Variants in CD300LF observed in about 807,000 individuals in gnomAD.
CD300LF encodes CMRF35-like molecule 1.
A neutral mutation model predicts 32.2 loss-of-function variants in CD300LF; 27 were observed. The ratio of observed to expected loss-of-function variants is 0.84; its 90% CI spans 0.62 to 1.15. The LOEUF is 1.15. Ranked by LOEUF, CD300LF falls within the 50% of genes most tolerant of loss-of-function variation. The probability of loss-of-function intolerance (pLI) is 0.00; values close to 1 mark genes in which losing one functional copy is unlikely to be tolerated. For synonymous variants in CD300LF, 139 were observed against 143.2 expected (o/e 0.97, Z 0.21); for missense variants, 348 against 356.8 (o/e 0.98, Z 0.20).
chr17:74,711,936 G>A (rs28401464), intron 1 of CD300LF, among the ~76,000 whole-genome samples: 8,876 of 122,500 alleles, frequency 0.072, 400 homozygotes, highest in East Asian at 0.16. Context: ...ACAGAGTCTC[G>A]CTCTGTCACC....
rs142837945 is a variant in CD300LF, at chr17:74,695,803, G to A, written c.639C>T (p.Ala213=). 69 of 1,614,158 alleles carry A rather than the reference G, an allele frequency of 4.3e-5. No homozygotes were observed. Among genetic ancestry groups the A allele is most frequent in the Admixed American group, 1.2e-4 (7 of 60,018 alleles). ...TGGTAGCCTTTTGCGGGGAGGTTCC[G>A]GCCAGCTGCAGGGTCAGGTCTGCAT... The part of the protein sequence containing the change: ...LCYADLTLQL[A]GTSPQKATTK... The change falls in exon 6 of 7, where the codon GCC becomes GCT. Residue 213 remains alanine, a synonymous_variant. Coordinates refer to ENST00000326165, the MANE Select transcript of CD300LF (RefSeq NM_139018.5).
chr17:74,708,019 A>G (rs1357672771), intron 1 of CD300LF, among the ~76,000 whole-genome samples: 1 of 151,348 alleles, frequency 6.6e-6, no homozygotes, highest in East Asian at 2.0e-4. Context: ...GTGGTGGCAC[A>G]CACCTGTAGC....
At chr17:74,704,084 G>T (rs894977999) in intron 2 of CD300LF, among the ~76,000 whole-genome samples, 4 of 152,148 alleles carry the variant, frequency 2.6e-5, no homozygotes, top group African/African-American at 9.7e-5. Flanking sequence ...TGAAGCCCCA[G>T]CCCAGAACTC....
At chr17:74,700,733 CAG>C (rs2032971848) in intron 3 of CD300LF, among the ~76,000 whole-genome samples, 1 of 152,088 alleles carries the variant, frequency 6.6e-6, no homozygotes, top group Non-Finnish European at 1.5e-5. Context: ...GCATGGGTGA[CAG>C]AGCAACACTC....
intron 2 of CD300LF, among the ~76,000 whole-genome samples, chr17:74,704,002 C>T (rs976830061): frequency 2.0e-5 from 3 of 152,202 alleles, no homozygotes; most frequent in African/African-American, 7.2e-5. Flanking sequence ...AATTAGACCC[C>T]AGCACCCCGA....
intron 4 of CD300LF, 52 bp downstream of exon 4, chr17:74,698,317 A>T: frequency 7.7e-7 from 1 of 1,292,080 alleles, no homozygotes; most frequent in Non-Finnish European, 1.1e-6. Flanking sequence ...CAGATGCCAC[A>T]TCCCCAGCCA....
At position 74,712,922 on chromosome 17, in the gene CD300LF, C is replaced by T. The variant is rs1043285161; in HGVS notation, c.-56G>A. ...AGTGGAGCCTGGCAGCAGGAACAAACTACAGACTCCCAGCCTTCTGCTGGT... is the reference window on the plus strand; with the variant it reads ...AGTGGAGCCTGGCAGCAGGAACAAATTACAGACTCCCAGCCTTCTGCTGGT... On this transcript the variant is annotated 5_prime_UTR_variant, in exon 1 of 7. Coordinates refer to ENST00000326165, the MANE Select transcript of CD300LF (RefSeq NM_139018.5). 3.8e-5 allele frequency: 60 copies of T among 1,562,370 alleles called. 1 individual carries two copies. Among genetic ancestry groups the T allele is most frequent in the African/African-American group, 1.9e-4 (14 of 73,824 alleles).
intron 6 of CD300LF, 150 bp from the exon 7 acceptor site, chr17:74,695,401 G>A: frequency 1.1e-6 from 1 of 942,980 alleles, no homozygotes; most frequent in Non-Finnish European, 1.6e-6. Context: ...ACTCTGCCAA[G>A]CACCCTGAGC....
chr17:74,709,414 C>T (rs1214445538), intron 1 of CD300LF, among the ~76,000 whole-genome samples: 1 of 152,134 alleles, frequency 6.6e-6, no homozygotes, highest in Non-Finnish European at 1.5e-5. Context: ...TATCAAAAAC[C>T]TCAGCAAGCA....
chr17:74,706,120 G>T (rs1370898386), intron 1 of CD300LF, among the ~76,000 whole-genome samples: 1 of 151,988 alleles, frequency 6.6e-6, no homozygotes, highest in Admixed American at 6.6e-5. Context: ...GGAGGGAAGG[G>T]AGCAAGCACT....
In CD300LF at chr17:74,697,815, G is replaced by C. The variant is rs1009165784; in HGVS notation, c.559+554C>G. Among the ~76,000 whole-genome samples the C allele has an allele frequency of 1.1e-4, 16 of 152,190 alleles. 1 individual carries two copies. The highest frequency in any genetic ancestry group is 3.9e-4 in the African/African-American group (16 of 41,440). The stretch of plus-strand genomic sequence containing the variant: ...GGGCAAGGGAGGGACAGAAGGAAAG[G>C]CCATTCCAATTTCCTGATCAGACTT... On this transcript the variant is annotated intron_variant, in intron 4 of 6. Coordinates refer to ENST00000326165, the MANE Select transcript of CD300LF (RefSeq NM_139018.5).
chr17:74,696,175 G>T lies in CD300LF; in HGVS notation c.582+20C>A, dbSNP rs983331953. ...AGAAGCTGCCTGGTCTCTCTGGTCCGACCTTGGGGGCTATCTTACCTGCTC... is the reference window on the plus strand; with the variant it reads ...AGAAGCTGCCTGGTCTCTCTGGTCCTACCTTGGGGGCTATCTTACCTGCTC... On this transcript the variant is annotated intron_variant, in intron 5 of 6. Transcript: ENST00000326165. The T allele has an allele frequency of 6.3e-7, 1 of 1,597,572 alleles. No homozygotes were observed. Among genetic ancestry groups the T allele is most frequent in the East Asian group, 2.2e-5 (1 of 44,602 alleles).
intron 1 of CD300LF, among the ~76,000 whole-genome samples, chr17:74,708,355 T>C (rs1264255721): frequency 6.6e-6 from 1 of 151,916 alleles, no homozygotes; most frequent in Non-Finnish European, 1.5e-5. Flanking sequence ...AAAGAAGAAA[T>C]AATGTCTATT....
At chr17:74,698,674 G>A in intron 3 of CD300LF, 193 bp from the exon 4 acceptor site, 1 of 1,391,416 alleles carries the variant, frequency 7.2e-7, no homozygotes, top group Non-Finnish European at 9.4e-7. Flanking sequence ...CACAAAGAAG[G>A]GAATGGAACA....
At chr17:74,695,958 A>G in intron 5 of CD300LF, 99 bp from the exon 6 acceptor site, 1 of 1,416,122 alleles carries the variant, frequency 7.1e-7, no homozygotes, top group South Asian at 1.3e-5. Context: ...CCACTTCCCC[A>G]GGTGCCCCTC....
In CD300LF at chr17:74,698,114, C is replaced by G. The variant is rs376317827; in HGVS notation, c.559+255G>C. On this transcript the variant is annotated intron_variant, in intron 4 of 6. Coordinates refer to ENST00000326165, the MANE Select transcript of CD300LF (RefSeq NM_139018.5). ...ATCAAGAGTCAATCCAGGAAAGAGA[C>G]AGGGAGGTGGATCAGAGAGAAGAGA... Among the ~76,000 whole-genome samples, 83 of 152,266 alleles carry G rather than the reference C, an allele frequency of 5.5e-4. No individual in the cohort carries two copies. In the East Asian group the frequency reaches 0.013, roughly 24 times the overall value.
chr17:74,708,147 CA>C (rs373733638), intron 1 of CD300LF, among the ~76,000 whole-genome samples: 27,133 of 80,930 alleles, frequency 0.34, 3,097 homozygotes, highest in Middle Eastern at 0.46. Context: ...GACTCCATCT[CA>C]AAAAAAAAAA....
intron 3 of CD300LF, among the ~76,000 whole-genome samples, chr17:74,702,299 A>C (rs2143720985): frequency 6.6e-6 from 1 of 152,238 alleles, no homozygotes; most frequent in Admixed American, 6.5e-5. Context: ...AAGAGGCATG[A>C]CCTGAGCTAT....
At position 74,712,906 on chromosome 17, in the gene CD300LF, T is replaced by C. The variant is rs199709522; in HGVS notation, c.-40A>G. ...GGTCCCCGTTCCCCTCAGTGGAGCC[T>C]GGCAGCAGGAACAAACTACAGACTC... On this transcript the variant is annotated 5_prime_UTR_variant, in exon 1 of 7. Transcript: ENST00000326165. 1.4e-5 allele frequency: 22 copies of C among 1,608,974 alleles called. No homozygotes were observed. The highest frequency in any genetic ancestry group is 8.5e-7 in the Non-Finnish European group (1 of 1,176,176).
Sources: gnomAD v4.1 joint callset for allele counts (sites outside exome capture counted in the v4.1 genomes callset) on GRCh38, gnomAD v4.1.1 for gene constraint, MANE v1.5 for transcripts, NCBI Gene and HGNC (gene_info 2026-07-23, HGNC 2026-07-21) for gene names.